UNC5A: variants seen among roughly 807,000 people sequenced by gnomAD.
The protein encoded by UNC5A is netrin receptor UNC5A.
A neutral mutation model predicts 87.4 loss-of-function variants in UNC5A; 20 were observed. The observed-to-expected ratio is 0.23, with a 90% CI of 0.16 to 0.33. The LOEUF (loss-of-function observed/expected upper bound fraction) is 0.33. UNC5A is among the 10% of genes least tolerant of loss of function. The pLI is 1.00. For missense variants in UNC5A, 844 were observed against 1,133.4 expected (o/e 0.74, Z 3.67); for synonymous variants, 438 against 482.3 (o/e 0.91, Z 1.20).
At chr5:176,843,496 T>A (rs1757330251) in intron 1 of UNC5A, among the ~76,000 whole-genome samples, 2 of 152,230 alleles carry the variant, frequency 1.3e-5, no homozygotes, top group Non-Finnish European at 2.9e-5. Flanking sequence ...GGGGTGAAGC[T>A]ATTCTGTGTC....
intron 1 of UNC5A, among the ~76,000 whole-genome samples, chr5:176,815,155 G>A (rs1756558082): frequency 6.6e-6 from 1 of 152,214 alleles, no homozygotes; most frequent in Non-Finnish European, 1.5e-5. Flanking sequence ...CAGAGTGAAT[G>A]TTTTCTTGAG....
intron 1 of UNC5A, among the ~76,000 whole-genome samples, chr5:176,820,595 C>T (rs1267321815): frequency 6.6e-6 from 1 of 152,166 alleles, no homozygotes; most frequent in Non-Finnish European, 1.5e-5. Context: ...ACAGTAACCC[C>T]ATAATAAGGG....
intron 8 of UNC5A, among the ~76,000 whole-genome samples, 159 bp from the exon 9 acceptor site, chr5:176,877,032 TG>T (rs1370077037): frequency 1.3e-5 from 2 of 152,182 alleles, no homozygotes; most frequent in Admixed American, 6.5e-5. Flanking sequence ...TTCATGCCTG[TG>T]GGGGTGGTTG....
rs1406516180 is a variant in UNC5A, at chr5:176,865,076, G to A, written c.292+2231G>A. 9 of 333,064 alleles carry A rather than the reference G, an allele frequency of 2.7e-5. No individual in the cohort carries two copies. The highest frequency in any genetic ancestry group is 5.4e-5 in the Non-Finnish European group (9 of 168,106). The allele number at this position is 333,064 out of a possible 1,614,324, so 20.6% of individuals were successfully genotyped here. A position where few individuals can be genotyped will look rare whatever the true frequency, so the allele number is the denominator to read the frequency against. The stretch of plus-strand genomic sequence containing the variant: ...TCCTGCCCCTTGCAGATTGGTCGGG[G>A]GAAGCCATGAAATCTCACGTGCCCA... On this transcript the variant is annotated intron_variant, in intron 2 of 14. Transcript: ENST00000329542. This position sits in a 1 kb window ranked among gnomAD's most constrained non-coding sequence, Gnocchi z 5.3.
intron 4 of UNC5A, 32 bp downstream of exon 4, chr5:176,868,696 C>G (rs1758034043): frequency 6.3e-7 from 1 of 1,591,428 alleles, no homozygotes; most frequent in Admixed American, 1.7e-5. Flanking sequence ...ACGTCTGGAC[C>G]TGGGCTCCTG....
At chr5:176,873,475 C>T (rs895820954) in intron 6 of UNC5A, among the ~76,000 whole-genome samples, 1 of 152,178 alleles carries the variant, frequency 6.6e-6, no homozygotes, top group African/African-American at 2.4e-5. Flanking sequence ...ACCCCCTCCC[C>T]AGACCTGCCC....
intron 4 of UNC5A, 21 bp from the exon 5 acceptor site, chr5:176,868,763 T>A: frequency 6.3e-7 from 1 of 1,590,646 alleles, no homozygotes; most frequent in Non-Finnish European, 8.6e-7. Flanking sequence ...TGGCAGTACA[T>A]GGCAGGGCTC....
intron 1 of UNC5A, among the ~76,000 whole-genome samples, chr5:176,839,092 C>T (rs994603603): frequency 1.3e-5 from 2 of 152,224 alleles, no homozygotes. Context: ...CTGACCTGCC[C>T]TCTCCTATCA....
In UNC5A at chr5:176,848,071, C is replaced by G. The variant is rs540137372; in HGVS notation, c.71-14553C>G. 1.5e-4 allele frequency among the ~76,000 whole-genome samples: 22 copies of G among 151,610 alleles called. No homozygotes were observed. The highest frequency in any genetic ancestry group is 2.7e-4 in the Non-Finnish European group (18 of 67,918). On this transcript the variant is annotated intron_variant, in intron 1 of 14. Coordinates refer to ENST00000329542, the MANE Select transcript of UNC5A (RefSeq NM_133369.3). The surrounding 1 kb of genome is among the most constrained non-coding windows in gnomAD (Gnocchi z 5.8). ...AAGAGGAAGAGGAGGCATCCAGCAG[C>G]CCCTCCAGGCCCCTACTGACCAGCT...
chr5:176,828,211 C>T (rs538660555), intron 1 of UNC5A, among the ~76,000 whole-genome samples: 10 of 152,318 alleles, frequency 6.6e-5, no homozygotes, highest in East Asian at 1.9e-4. Context: ...ATTTGTCAGA[C>T]GCAGTGCGCG....
chr5:176,879,543 G>A, intron 14 of UNC5A, 55 bp downstream of exon 14: 1 of 1,554,638 alleles, frequency 6.4e-7, no homozygotes, highest in African/African-American at 1.4e-5. Flanking sequence ...GTCCTGCCCG[G>A]CGGCGGGGTG....
intron 6 of UNC5A, among the ~76,000 whole-genome samples, chr5:176,872,033 C>T (rs78397876): frequency 7.5e-5 from 3 of 40,146 alleles, no homozygotes; most frequent in African/African-American, 2.4e-4. Flanking sequence ...TTCCCATCTG[C>T]CCACACTCAC....
At chr5:176,812,986 A>G (rs1756502350) in intron 1 of UNC5A, among the ~76,000 whole-genome samples, 1 of 152,112 alleles carries the variant, frequency 6.6e-6, no homozygotes, top group East Asian at 1.9e-4. Flanking sequence ...TGAGGGAGGG[A>G]TGGCCAGCGG....
intron 1 of UNC5A, among the ~76,000 whole-genome samples, chr5:176,849,647 C>A (rs987547358): frequency 2.0e-5 from 3 of 151,494 alleles, no homozygotes; most frequent in Non-Finnish European, 4.4e-5. Flanking sequence ...GTCCACTTTT[C>A]CCAGCCCCAC....
chr5:176,855,882 A>T (rs866815114), intron 1 of UNC5A, among the ~76,000 whole-genome samples: 1 of 152,150 alleles, frequency 6.6e-6, no homozygotes, highest in African/African-American at 2.4e-5. Context: ...ACCCCATTTC[A>T]CATCCAGAAC....
intron 1 of UNC5A, among the ~76,000 whole-genome samples, chr5:176,850,184 G>C (rs1757509589): frequency 6.6e-6 from 1 of 152,220 alleles, no homozygotes. Context: ...ATTGGTAGTA[G>C]GTGGGGTGCC....
rs549460183 is a variant in UNC5A, at chr5:176,840,146, C to G, written c.71-22478C>G. ...TGCTGGGATTACAGGCGTGAGCCAC[C>G]GCGCCTGGCCTCTTCATTAAAGTGT... On this transcript the variant is annotated intron_variant, in intron 1 of 14. Coordinates refer to ENST00000329542, the MANE Select transcript of UNC5A (RefSeq NM_133369.3). Among the ~76,000 whole-genome samples the G allele has an allele frequency of 2.0e-5, 3 of 152,298 alleles. No homozygotes were observed. In the East Asian group the frequency reaches 5.8e-4, roughly 29 times the overall value.
At chr5:176,817,666 C>T (rs1456839607) in intron 1 of UNC5A, among the ~76,000 whole-genome samples, 5 of 152,172 alleles carry the variant, frequency 3.3e-5, no homozygotes, top group African/African-American at 9.6e-5. Flanking sequence ...GTCCCCGCCC[C>T]GCTGTCTAGG....
At chr5:176,828,144 G>A (rs949822490) in intron 1 of UNC5A, among the ~76,000 whole-genome samples, 60 of 152,232 alleles carry the variant, frequency 3.9e-4, no homozygotes, top group African/African-American at 1.4e-3. Flanking sequence ...CGTTTTGTGT[G>A]TGTGTCTTGT....
Sources: gnomAD v4.1 joint callset for allele counts (sites outside exome capture counted in the v4.1 genomes callset) on GRCh38, gnomAD v4.1.1 for gene constraint, Gnocchi (gnomAD v3.1) non-coding constraint, MANE v1.5 for transcripts, NCBI Gene and HGNC (gene_info 2026-07-23, HGNC 2026-07-21) for gene names.